HIP1: variants seen among roughly 807,000 people sequenced by gnomAD.
The protein encoded by HIP1 is huntingtin-interacting protein 1.
A neutral mutation model predicts 147.6 loss-of-function variants in HIP1; 65 were observed. The observed-to-expected ratio is 0.44, with a 90% CI of 0.36 to 0.54. The LOEUF (loss-of-function observed/expected upper bound fraction) is 0.54, where lower values mean the gene tolerates loss of function less well. Ranked by LOEUF, HIP1 falls within the 20% of genes least tolerant of loss-of-function variation. The pLI is 0.00. For missense variants in HIP1, 1,061 were observed against 1,299.6 expected, an observed-to-expected ratio of 0.82 and a Z score of 2.82; for synonymous variants, 479 against 504.0, an observed-to-expected ratio of 0.95 and a Z score of 0.67.
In HIP1 at chr7:75,555,563, C is replaced by G; in HGVS notation, c.1828-12G>C. 2 of 1,612,220 alleles carry G rather than the reference C, an allele frequency of 1.2e-6. No individual in the cohort carries two copies. The highest frequency in any genetic ancestry group is 1.1e-5 in the South Asian group (1 of 91,068). ...TGGCACATAGATTCCTAAAAATGGT[C>G]CAGGGAGGTGAGAGTCTGCCCTAGA... On this transcript the variant is annotated splice_polypyrimidine_tract_variant and intron_variant, in intron 18 of 30. Coordinates refer to ENST00000336926, the MANE Select transcript of HIP1 (RefSeq NM_005338.7).
Position 75,559,776 on chromosome 7 carries a change from C to G in HIP1, c.1331G>C (p.Arg444Pro). Residue 444 changes from arginine to proline, a missense_variant, in exon 14 of 31, where the codon CGG becomes CCG. By Grantham distance (103) the Arg-to-Pro change is moderately radical. Coordinates refer to ENST00000336926, the MANE Select transcript of HIP1 (RefSeq NM_005338.7). ...RAELDELRRQ[R>P]EDTEKAQRSL... ...CCGCTGAGCCTTCTCGGTGTCCTCC[C>G]GCTGCCTCCTGAGCTCGTCCAGTTC... is the stretch of plus-strand genomic sequence containing the variant. 2 of 1,609,796 alleles carry G rather than the reference C, an allele frequency of 1.2e-6. No individual in the cohort carries two copies. Among genetic ancestry groups the G allele is most frequent in the Non-Finnish European group, 8.5e-7 (1 of 1,179,466 alleles).
chr7:75,556,286 C>G (rs1795003571), intron 17 of HIP1, 117 bp from the exon 18 acceptor site: 1 of 1,246,498 alleles, frequency 8.0e-7, no homozygotes, highest in Non-Finnish European at 1.1e-6. Context: ...GGCTCTTTAA[C>G]CTGCCACTCT....
At chr7:75,654,459 T>TC (rs1799086592) in intron 1 of HIP1, 2 of 152,204 alleles carry the variant, frequency 1.3e-5, no homozygotes, top group African/African-American at 4.8e-5. Context: ...GGCTACAGGT[T>TC]CTTTCCACGG....
chr7:75,735,665 CTCTTT>C (rs143807962), intron 1 of HIP1, among the ~76,000 whole-genome samples: 57 of 149,992 alleles, frequency 3.8e-4, no homozygotes, highest in Admixed American at 2.1e-3. Flanking sequence ...TAGGGCTGTT[CTCTTT>C]TCTTTTCTTT....
In HIP1 at chr7:75,624,936, ATTTT is replaced by A. The variant is rs57832648; in HGVS notation, c.121-25693_121-25690del. Among the ~76,000 whole-genome samples, 592 of 139,206 alleles carry A rather than the reference ATTTT, an allele frequency of 4.3e-3. 1 individual carries two copies. The highest frequency in any genetic ancestry group is 0.011 in the African/African-American group (420 of 37,710). 91.3% of individuals were successfully genotyped at this position (139,206 alleles called of 152,430 possible). ...CTGTACATAGGTGTATTTTTGTTTAATTTTTTTTTTTTTTTTTTGAGATGTCTTG... is the reference window on the plus strand; with the variant it reads ...CTGTACATAGGTGTATTTTTGTTTAATTTTTTTTTTTTTTGAGATGTCTTG... On this transcript the variant is annotated intron_variant, in intron 1 of 30. Transcript: ENST00000336926.
intron 1 of HIP1, among the ~76,000 whole-genome samples, chr7:75,616,085 CAAAAA>C (rs71098042): frequency 1.7e-4 from 6 of 35,310 alleles, no homozygotes; most frequent in Non-Finnish European, 3.1e-4. Context: ...GACTCTGTCT[CAAAAA>C]AAAAAAAAAA....
intron 1 of HIP1, among the ~76,000 whole-genome samples, chr7:75,713,690 A>C (rs1489828574): frequency 6.9e-6 from 1 of 144,528 alleles, no homozygotes; most frequent in East Asian, 2.0e-4. Flanking sequence ...GGGTTTGCTG[A>C]GTGACATGCC....
intron 1 of HIP1, among the ~76,000 whole-genome samples, chr7:75,701,056 T>G (rs1554519147): frequency 6.6e-6 from 1 of 152,034 alleles, no homozygotes; most frequent in African/African-American, 2.4e-5. Context: ...TGCTGTAGCC[T>G]CTCCGGATGG....
chr7:75,656,123 G>GA lies in HIP1; in HGVS notation c.121-56877dup, dbSNP rs1265436724. Among the ~76,000 whole-genome samples, 23 of 150,702 alleles carry GA rather than the reference G, an allele frequency of 1.5e-4. 1 individual carries two copies. In the South Asian group the frequency reaches 2.7e-3, roughly 18 times the overall value. On this transcript the variant is annotated intron_variant, in intron 1 of 30. Coordinates refer to ENST00000336926, the MANE Select transcript of HIP1 (RefSeq NM_005338.7). The stretch of plus-strand genomic sequence containing the variant: ...GACAGGCAAGACCCCGTCTCAAAAA[G>GA]AAAAAAAATAAAAATAAAATGGTGA...
At chr7:75,674,277 C>T (rs1362517953) in intron 1 of HIP1, among the ~76,000 whole-genome samples, 10 of 152,080 alleles carry the variant, frequency 6.6e-5, no homozygotes. Flanking sequence ...TGTTTTGTTC[C>T]TGATCTTAGG....
chr7:75,613,802 TA>T (rs1325864637), intron 1 of HIP1, among the ~76,000 whole-genome samples: 2 of 152,180 alleles, frequency 1.3e-5, no homozygotes, highest in African/African-American at 4.8e-5. Context: ...CGTGGCTCAC[TA>T]CAGCCTCAAC....
chr7:75,719,321 G>A lies in HIP1; in HGVS notation c.120+19480C>T, dbSNP rs555816791. On this transcript the variant is annotated intron_variant, in intron 1 of 30. Coordinates refer to ENST00000336926, the MANE Select transcript of HIP1 (RefSeq NM_005338.7). ...AGATCAAAACCATCCTGGCCAACAC[G>A]GTGAAACCCCGTCTCTACTAAAAAT... Among the ~76,000 whole-genome samples, 194 of 151,904 alleles carry A rather than the reference G, an allele frequency of 1.3e-3. 2 individuals are homozygous for A. The Middle Eastern group carries it at 0.014, about 11-fold the overall frequency.
chr7:75,679,155 T>C (rs2260430), intron 1 of HIP1, among the ~76,000 whole-genome samples: 87,170 of 151,864 alleles, frequency 0.57, 25,459 homozygotes, highest in African/African-American at 0.66. Context: ...CTTCACTGAC[T>C]GTCTTTGCTT....
At chr7:75,566,651 G>A (rs782378526) in intron 9 of HIP1, among the ~76,000 whole-genome samples, 2 of 151,234 alleles carry the variant, frequency 1.3e-5, no homozygotes, top group Non-Finnish European at 2.9e-5. Flanking sequence ...TCCTTAATTT[G>A]GTCCGATGCC....
chr7:75,667,038 C>T (rs1384338377), intron 1 of HIP1, among the ~76,000 whole-genome samples: 2 of 151,962 alleles, frequency 1.3e-5, no homozygotes, highest in African/African-American at 2.4e-5. Flanking sequence ...TAGGCAGACA[C>T]TGGAAAGAAA....
chr7:75,556,290 C>CCACTCTGATTCCCTCCCGGGGA, intron 17 of HIP1, 121 bp from the exon 18 acceptor site: 1 of 1,205,446 alleles, frequency 8.3e-7, no homozygotes, highest in Non-Finnish European at 1.2e-6. Context: ...CTTTAACCTG[C>CCACTCTGATTCCCTCCCGGGGA]CACTCTGATT....
At position 75,548,977 on chromosome 7, in the gene HIP1, T is replaced by C. The variant is rs1794675453; in HGVS notation, c.2320A>G (p.Ile774Val). 3 of 1,614,002 alleles carry C rather than the reference T, an allele frequency of 1.9e-6. No individual in the cohort carries two copies. The highest frequency in any genetic ancestry group is 2.5e-6 in the Non-Finnish European group (3 of 1,179,874). The change falls in exon 23 of 31, where the codon ATC becomes GTC. Residue 774 changes from isoleucine (I) to valine (V), a missense_variant. Ile to Val is a conservative substitution (Grantham distance 29). Coordinates refer to ENST00000336926, the MANE Select transcript of HIP1 (RefSeq NM_005338.7). Reference protein sequence around the residue: ...GEELLPRGLDIKQEELGDLVD... With the variant: ...GEELLPRGLDVKQEELGDLVD... Reference sequence around the variant, plus strand: ...AGGTCCCCCAGCTCCTCCTGCTTGATGTCCAGTCCCCTGGGCAGGAGCTCC... The same window carrying C: ...AGGTCCCCCAGCTCCTCCTGCTTGACGTCCAGTCCCCTGGGCAGGAGCTCC...
chr7:75,726,233 A>G (rs2117391765), intron 1 of HIP1, among the ~76,000 whole-genome samples: 1 of 151,234 alleles, frequency 6.6e-6, no homozygotes, highest in East Asian at 1.9e-4. Flanking sequence ...AACACTAGAC[A>G]TTATCCAATG....
In HIP1 at chr7:75,649,816, G is replaced by C. The variant is rs547572365; in HGVS notation, c.121-50569C>G. Among the ~76,000 whole-genome samples the C allele has an allele frequency of 9.9e-5, 15 of 152,266 alleles. No homozygotes were observed. The South Asian group carries it at 3.1e-3, about 32-fold the overall frequency. On this transcript the variant is annotated intron_variant, in intron 1 of 30. Coordinates refer to ENST00000336926, the MANE Select transcript of HIP1 (RefSeq NM_005338.7). ...CTTCTCCTACACGGGGAATTTCCAA[G>C]CTCCCACCTGGAATTTTCCATCCCT...
Sources: gnomAD v4.1 joint callset for allele counts (sites outside exome capture counted in the v4.1 genomes callset) on GRCh38, gnomAD v4.1.1 for gene constraint, MANE v1.5 for transcripts, NCBI Gene and HGNC (gene_info 2026-07-23, HGNC 2026-07-21) for gene names.